KAZN: variants seen among roughly 807,000 people sequenced by gnomAD.
KAZN encodes kazrin.
KAZN carries 40 observed loss-of-function variants against 87.4 expected under a neutral mutation model. That is an observed-to-expected ratio of 0.46 (90% CI 0.36 to 0.60). KAZN has a LOEUF of 0.60. KAZN is among the 20% of genes least tolerant of loss of function. The pLI is 0.00. For synonymous variants in KAZN, 466 were observed against 458.3 expected (o/e 1.02, Z -0.22); for missense variants, 898 against 1,073.9 (o/e 0.84, Z 2.29).
At chr1:14,232,971 A>G (rs903442893) in intron 2 of KAZN, among the ~76,000 whole-genome samples, 1 of 152,140 alleles carries the variant, frequency 6.6e-6, no homozygotes, top group Non-Finnish European at 1.5e-5. Context: ...TATCATATTT[A>G]AAATGTTTTA....
intron 1 of KAZN, among the ~76,000 whole-genome samples, chr1:14,000,082 A>G (rs990213692): frequency 6.6e-6 from 1 of 152,234 alleles, no homozygotes; most frequent in African/African-American, 2.4e-5. Flanking sequence ...AAAAAAGTCC[A>G]GGACCAGACG....
intron 1 of KAZN, among the ~76,000 whole-genome samples, chr1:14,615,437 G>T (rs1678157087): frequency 6.6e-6 from 1 of 152,202 alleles, no homozygotes; most frequent in Admixed American, 6.5e-5. Context: ...AGACCAGCCT[G>T]GCCAACATGG....
chr1:14,603,876 C>A (rs1277536784), intron 1 of KAZN, among the ~76,000 whole-genome samples: 1 of 152,182 alleles, frequency 6.6e-6, no homozygotes, highest in African/African-American at 2.4e-5. Flanking sequence ...TTTGCCTGCT[C>A]ACCGTGCATA....
chr1:14,611,555 C>T (rs911705522), intron 1 of KAZN, among the ~76,000 whole-genome samples: 3 of 150,432 alleles, frequency 2.0e-5, no homozygotes, highest in South Asian at 2.1e-4. Flanking sequence ...GCCTTGTTGG[C>T]GCACACTTGT....
At position 15,094,143 on chromosome 1, in the gene KAZN, C is replaced by T; in HGVS notation, c.1223-37C>T. ...CTGCCCAGCCCCTGCCCCCAGCAGC[C>T]TCGTCCCCCAGCATGGCCTGCACTT... On this transcript the variant is annotated intron_variant, in intron 8 of 14. Coordinates refer to ENST00000376030, the MANE Select transcript of KAZN (RefSeq NM_201628.3). This position sits in a 1 kb window ranked among gnomAD's most constrained non-coding sequence, Gnocchi z 4.5. The T allele has an allele frequency of 6.3e-7, 1 of 1,597,184 alleles. No homozygotes were observed.
intron 2 of KAZN, among the ~76,000 whole-genome samples, chr1:14,429,670 G>A (rs1228808944): frequency 6.6e-6 from 1 of 152,154 alleles, no homozygotes; most frequent in Non-Finnish European, 1.5e-5. Context: ...GCCATTGTTT[G>A]CATTTGAGGA....
At chr1:14,365,378 G>C (rs1470351160) in intron 2 of KAZN, among the ~76,000 whole-genome samples, 1 of 144,762 alleles carries the variant, frequency 6.9e-6, no homozygotes, top group Non-Finnish European at 1.5e-5. Flanking sequence ...TGGGGGGGGG[G>C]GGGGTCTTTC....
intron 2 of KAZN, among the ~76,000 whole-genome samples, chr1:14,353,122 C>T (rs2100948152): frequency 6.6e-6 from 1 of 152,140 alleles, no homozygotes; most frequent in South Asian, 2.1e-4. Flanking sequence ...TGTTTGCTTC[C>T]ATCATTGGCC....
intron 1 of KAZN, among the ~76,000 whole-genome samples, chr1:14,072,427 A>G (rs1386795208): frequency 6.6e-6 from 1 of 152,114 alleles, no homozygotes; most frequent in Non-Finnish European, 1.5e-5. Context: ...TAATGACTCC[A>G]TGTTGGCTGG....
intron 1 of KAZN, among the ~76,000 whole-genome samples, chr1:13,965,355 A>G (rs1641905744): frequency 6.6e-6 from 1 of 152,122 alleles, no homozygotes; most frequent in Non-Finnish European, 1.5e-5. Context: ...GGGACGTCAC[A>G]TTCTAGGGCT....
chr1:14,902,430 G>C (rs191213239), intron 1 of KAZN, among the ~76,000 whole-genome samples: 1 of 151,916 alleles, frequency 6.6e-6, no homozygotes, highest in South Asian at 2.1e-4. Flanking sequence ...GGGTTTCACC[G>C]TGTTAGCCAG....
intron 1 of KAZN, among the ~76,000 whole-genome samples, chr1:13,977,145 G>A (rs1638403360): frequency 6.6e-6 from 1 of 152,190 alleles, no homozygotes; most frequent in Non-Finnish European, 1.5e-5. Context: ...AGAGAGCTTA[G>A]TCTACAGGGA....
At chr1:14,358,359 TAAAAA>T (rs57844400) in intron 2 of KAZN, among the ~76,000 whole-genome samples, 1 of 148,748 alleles carries the variant, frequency 6.7e-6, no homozygotes. Flanking sequence ...GTAAATCTTT[TAAAAA>T]AAAAAACCAG....
intron 2 of KAZN, among the ~76,000 whole-genome samples, chr1:14,552,259 G>A (rs1390127370): frequency 6.6e-6 from 1 of 152,220 alleles, no homozygotes; most frequent in South Asian, 2.1e-4. Flanking sequence ...TGGGAAGGAA[G>A]AGATCTTGAG....
At chr1:14,785,304 A>G (rs759738690) in intron 1 of KAZN, among the ~76,000 whole-genome samples, 4 of 152,154 alleles carry the variant, frequency 2.6e-5, no homozygotes, top group Non-Finnish European at 4.4e-5. Flanking sequence ...TTTGTCATTG[A>G]CTGGCTCAGT....
At chr1:14,338,278 A>G (rs1428948213) in intron 2 of KAZN, among the ~76,000 whole-genome samples, 1 of 151,558 alleles carries the variant, frequency 6.6e-6, no homozygotes, top group African/African-American at 2.4e-5. Context: ...GCTTGAGACT[A>G]GCCTGGCCAA....
chr1:14,536,251 C>T (rs1672497988), intron 2 of KAZN, among the ~76,000 whole-genome samples: 1 of 152,202 alleles, frequency 6.6e-6, no homozygotes, highest in South Asian at 2.1e-4. Context: ...ACCAAATGTC[C>T]TCTGACTCTC....
chr1:14,059,234 G>C (rs1642693875), intron 1 of KAZN, among the ~76,000 whole-genome samples: 1 of 152,204 alleles, frequency 6.6e-6, no homozygotes, highest in South Asian at 2.1e-4. Flanking sequence ...TCACCTGTAA[G>C]CTGGGAAAGA....
At chr1:14,483,941 A>G (rs1387420483) in intron 2 of KAZN, among the ~76,000 whole-genome samples, 2 of 152,174 alleles carry the variant, frequency 1.3e-5, no homozygotes, top group Non-Finnish European at 2.9e-5. Flanking sequence ...GTTTTTGTAT[A>G]TGGTGTGAGA....
Sources: gnomAD v4.1 joint callset for allele counts (sites outside exome capture counted in the v4.1 genomes callset) on GRCh38, gnomAD v4.1.1 for gene constraint, Gnocchi (gnomAD v3.1) non-coding constraint, MANE v1.5 for transcripts, NCBI Gene and HGNC (gene_info 2026-07-23, HGNC 2026-07-21) for gene names.